The following ROR2 variants were observed in gnomAD, a reference collection of about 807,000 sequenced individuals.
ROR2 encodes tyrosine-protein kinase transmembrane receptor ROR2.
In ROR2, 33 loss-of-function variants were observed where a neutral mutation model predicts 74.9. The ratio of observed to expected loss-of-function variants is 0.44; its 90% CI spans 0.33 to 0.59. The LOEUF (loss-of-function observed/expected upper bound fraction) is 0.59. Ranked by LOEUF, ROR2 falls within the 20% of genes least tolerant of loss-of-function variation. The pLI, the probability that ROR2 is intolerant of heterozygous loss-of-function variation, is 0.02. For missense variants in ROR2, 1,216 were observed against 1,313.8 expected (o/e 0.93, Z 1.15); for synonymous variants, 586 against 558.7 (o/e 1.05, Z -0.69).
At chr9:91,873,535 C>G (rs1360458385) in intron 1 of ROR2, among the ~76,000 whole-genome samples, 1 of 152,126 alleles carries the variant, frequency 6.6e-6, no homozygotes, top group Non-Finnish European at 1.5e-5. Context: ...TTGCAGTGAG[C>G]CAAGATCGTG....
chr9:91,862,686 A>G (rs1829506178), intron 1 of ROR2, among the ~76,000 whole-genome samples: 1 of 152,206 alleles, frequency 6.6e-6, no homozygotes, highest in Non-Finnish European at 1.5e-5. Flanking sequence ...AAGAAGAGAA[A>G]GAGAAACCAG....
At chr9:91,927,532 CTCTGTGGCT>C (rs1264726849) in intron 1 of ROR2, among the ~76,000 whole-genome samples, 1 of 150,308 alleles carries the variant, frequency 6.7e-6, no homozygotes, top group Non-Finnish European at 1.5e-5. Flanking sequence ...TCTCTGTGCC[CTCTGTGGCT>C]GGCTCTGTGT....
intron 2 of ROR2, among the ~76,000 whole-genome samples, chr9:91,759,817 G>C (rs2118862088): frequency 6.6e-6 from 1 of 152,328 alleles, no homozygotes; most frequent in South Asian, 2.1e-4. Flanking sequence ...CTCACGGACA[G>C]CACCACGTTC....
intron 1 of ROR2, among the ~76,000 whole-genome samples, chr9:91,809,955 C>T (rs1354331576): frequency 6.6e-6 from 1 of 152,236 alleles, no homozygotes; most frequent in African/African-American, 2.4e-5. Context: ...TCATTTGTGG[C>T]AACTTGGTAA....
intron 1 of ROR2, among the ~76,000 whole-genome samples, chr9:91,809,799 C>T (rs1827684540): frequency 6.6e-6 from 1 of 152,238 alleles, no homozygotes; most frequent in African/African-American, 2.4e-5. Context: ...AGGCTCCCGG[C>T]TCCACTGCCA....
At chr9:91,888,014 A>G (rs142348052) in intron 1 of ROR2, among the ~76,000 whole-genome samples, 456 of 151,642 alleles carry the variant, frequency 3.0e-3, no homozygotes, top group Admixed American at 5.9e-3. Flanking sequence ...CTGGTCTCAA[A>G]CTCCTGACCT....
At chr9:91,740,576 G>GTATA (rs530880348) in intron 4 of ROR2, among the ~76,000 whole-genome samples, 23 of 147,120 alleles carry the variant, frequency 1.6e-4, no homozygotes, top group African/African-American at 4.8e-4. Flanking sequence ...ATATATATAT[G>GTATA]TATATATATA....
intron 1 of ROR2, among the ~76,000 whole-genome samples, chr9:91,916,395 G>A (rs1831136015): frequency 6.6e-6 from 1 of 152,088 alleles, no homozygotes; most frequent in African/African-American, 2.4e-5. Context: ...CCTATGCAAT[G>A]CCCCACCTGT....
intron 1 of ROR2, among the ~76,000 whole-genome samples, chr9:91,887,725 A>G (rs535882589): frequency 9.2e-5 from 14 of 151,806 alleles, no homozygotes; most frequent in Non-Finnish European, 1.8e-4. Flanking sequence ...TAATGTAGGT[A>G]TAACGGGGCG....
intron 1 of ROR2, among the ~76,000 whole-genome samples, chr9:91,845,443 C>T (rs1293839120): frequency 6.6e-6 from 1 of 152,152 alleles, no homozygotes. Flanking sequence ...TTACCCAAAA[C>T]TCACCACAGG....
chr9:91,776,561 T>A (rs1409119694), intron 1 of ROR2, among the ~76,000 whole-genome samples: 8 of 152,192 alleles, frequency 5.3e-5, no homozygotes, highest in Admixed American at 5.2e-4. Flanking sequence ...CAACAATAGG[T>A]AAACCACATG....
intron 5 of ROR2, 85 bp downstream of exon 5, chr9:91,737,306 C>T: frequency 1.3e-6 from 2 of 1,569,080 alleles, no homozygotes; most frequent in Non-Finnish European, 1.8e-6. Flanking sequence ...ATGCCATTAA[C>T]TGATGAAACA....
chr9:91,812,693 G>T (rs992806990), intron 1 of ROR2, among the ~76,000 whole-genome samples: 2 of 151,952 alleles, frequency 1.3e-5, no homozygotes, highest in Non-Finnish European at 2.9e-5. Flanking sequence ...CCTCACACCC[G>T]TGGGACTTTC....
chr9:91,727,401 AT>A (rs11436642), intron 7 of ROR2, among the ~76,000 whole-genome samples: 1,488 of 145,542 alleles, frequency 0.01, 29 homozygotes, highest in African/African-American at 0.029. Context: ...CCTTCCCTGC[AT>A]TTTTTTTTTT....
At position 91,887,605 on chromosome 9, in the gene ROR2, G is replaced by A. The variant is rs1427901379; in HGVS notation, c.97+62262C>T. Among the ~76,000 whole-genome samples the A allele has an allele frequency of 1.1e-4, 16 of 152,128 alleles. 1 individual carries two copies. In the East Asian group the frequency reaches 3.1e-3, roughly 29 times the overall value. On this transcript the variant is annotated intron_variant, in intron 1 of 8. Coordinates refer to ENST00000375708, the MANE Select transcript of ROR2 (RefSeq NM_004560.4). Reference sequence around the variant, plus strand: ...AGCTGTTATGAACATTCCCCTTATGGTTTCCTTGCGCCCTTATCTGAGGGG... The same window carrying A: ...AGCTGTTATGAACATTCCCCTTATGATTTCCTTGCGCCCTTATCTGAGGGG...
chr9:91,789,820 C>T (rs1008361266), intron 1 of ROR2, among the ~76,000 whole-genome samples: 8 of 151,952 alleles, frequency 5.3e-5, no homozygotes, highest in South Asian at 2.1e-4. Flanking sequence ...AGAAGTAAAG[C>T]GTACCATATT....
At chr9:91,896,867 T>C (rs1196321312) in intron 1 of ROR2, among the ~76,000 whole-genome samples, 2 of 152,242 alleles carry the variant, frequency 1.3e-5, no homozygotes, top group East Asian at 3.8e-4. Flanking sequence ...TCTTTAATCA[T>C]TCCTGACAGG....
At chr9:91,799,383 A>C (rs559887270) in intron 1 of ROR2, among the ~76,000 whole-genome samples, 4 of 152,324 alleles carry the variant, frequency 2.6e-5, no homozygotes, top group Admixed American at 6.5e-5. Flanking sequence ...GACAGTGCCG[A>C]GACGGGGGCA....
chr9:91,889,045 G>C (rs1342275844), intron 1 of ROR2, among the ~76,000 whole-genome samples: 3 of 152,066 alleles, frequency 2.0e-5, no homozygotes, highest in African/African-American at 7.3e-5. Context: ...TCATTTGGAA[G>C]AGAGACCGTG....
Sources: allele counts gnomAD v4.1 joint callset (sites outside exome capture counted in the v4.1 genomes callset), GRCh38; gene constraint gnomAD v4.1.1; transcripts MANE v1.5; gene names NCBI Gene and HGNC (gene_info 2026-07-23, HGNC 2026-07-21).